The following HS6ST3 variants were observed in gnomAD, a reference collection of about 807,000 sequenced individuals.
HS6ST3 encodes the protein heparan sulfate 6-O-sulfotransferase 3.
Under a neutral mutation model 36.7 loss-of-function variants are expected in HS6ST3, and 12 were observed. The ratio of observed to expected loss-of-function variants is 0.33; its 90% CI spans 0.21 to 0.53. The LOEUF (loss-of-function observed/expected upper bound fraction) is 0.53. Ranked by LOEUF, HS6ST3 falls within the 20% of genes least tolerant of loss-of-function variation. The pLI is 0.95. For missense variants in HS6ST3, 584 were observed against 640.9 expected, an observed-to-expected ratio of 0.91 and a Z score of 0.96; for synonymous variants, 240 against 257.5, an observed-to-expected ratio of 0.93 and a Z score of 0.65.
At chr13:96,164,489 T>C (rs920634956) in intron 1 of HS6ST3, among the ~76,000 whole-genome samples, 4 of 151,748 alleles carry the variant, frequency 2.6e-5, no homozygotes, top group African/African-American at 4.8e-5. Context: ...CCCAGGAGTT[T>C]GAGGCTGCAG....
chr13:96,505,467 C>A (rs1448860144), intron 1 of HS6ST3, among the ~76,000 whole-genome samples: 1 of 152,052 alleles, frequency 6.6e-6, no homozygotes, highest in African/African-American at 2.4e-5. Context: ...CTAGTTTGTG[C>A]CTGGGTTTGT....
chr13:96,223,977 C>T (rs1279768920), intron 1 of HS6ST3, among the ~76,000 whole-genome samples: 1 of 151,882 alleles, frequency 6.6e-6, no homozygotes, highest in Non-Finnish European at 1.5e-5. Context: ...TCCCTTCCCT[C>T]TTCTTCCTTT....
intron 1 of HS6ST3, among the ~76,000 whole-genome samples, chr13:96,631,111 A>G (rs1195412594): frequency 6.6e-6 from 1 of 152,164 alleles, no homozygotes; most frequent in African/African-American, 2.4e-5. Context: ...AAAGATCTTC[A>G]GAACTAAACA....
chr13:96,297,815 G>A (rs749562382), intron 1 of HS6ST3, among the ~76,000 whole-genome samples: 19 of 151,970 alleles, frequency 1.3e-4, no homozygotes, highest in African/African-American at 3.1e-4. Context: ...TCATAAGCTC[G>A]CATACTCATA....
At chr13:96,641,609 A>G (rs954502988) in intron 1 of HS6ST3, among the ~76,000 whole-genome samples, 4 of 151,848 alleles carry the variant, frequency 2.6e-5, no homozygotes, top group African/African-American at 9.7e-5. Flanking sequence ...CTCTAGTGAT[A>G]AATAGATATT....
chr13:96,695,066 A>T (rs1875086837), intron 1 of HS6ST3, among the ~76,000 whole-genome samples: 1 of 152,184 alleles, frequency 6.6e-6, no homozygotes, highest in African/African-American at 2.4e-5. Context: ...TTCATGTAGG[A>T]ATACTTTTGT....
At chr13:96,196,752 G>C (rs2054316324) in intron 1 of HS6ST3, among the ~76,000 whole-genome samples, 1 of 152,222 alleles carries the variant, frequency 6.6e-6, no homozygotes, top group Non-Finnish European at 1.5e-5. Flanking sequence ...TTTCTGAAGA[G>C]ACTCACCAGT....
At chr13:96,383,148 G>A (rs959123014) in intron 1 of HS6ST3, among the ~76,000 whole-genome samples, 1 of 152,106 alleles carries the variant, frequency 6.6e-6, no homozygotes, top group Admixed American at 6.6e-5. Flanking sequence ...AGGTGAGATG[G>A]ATGAGGTAAA....
intron 1 of HS6ST3, among the ~76,000 whole-genome samples, chr13:96,331,992 T>C (rs1488442822): frequency 6.6e-6 from 1 of 152,250 alleles, no homozygotes; most frequent in East Asian, 1.9e-4. Flanking sequence ...GGGAACTCCC[T>C]GACCCCTTGC....
intron 1 of HS6ST3, among the ~76,000 whole-genome samples, chr13:96,233,056 A>G (rs2054516051): frequency 6.6e-6 from 1 of 152,234 alleles, no homozygotes; most frequent in Non-Finnish European, 1.5e-5. Flanking sequence ...GTGCAGAAGA[A>G]TCTATTGCAT....
intron 1 of HS6ST3, among the ~76,000 whole-genome samples, chr13:96,106,231 T>G (rs901387652): frequency 4.6e-5 from 7 of 152,252 alleles, no homozygotes; most frequent in African/African-American, 1.7e-4. Context: ...TGCCCTGTAT[T>G]GGCTTTAATG....
intron 1 of HS6ST3, among the ~76,000 whole-genome samples, chr13:96,726,319 G>A (rs375492990): frequency 6.6e-6 from 1 of 152,124 alleles, no homozygotes; most frequent in Non-Finnish European, 1.5e-5. Context: ...AATTTGTGGA[G>A]AATTGAAATT....
chr13:96,562,675 C>T (rs2056266589), intron 1 of HS6ST3, among the ~76,000 whole-genome samples: 1 of 151,968 alleles, frequency 6.6e-6, no homozygotes, highest in Non-Finnish European at 1.5e-5. Flanking sequence ...TTTTTTTCAG[C>T]ATCATAACAT....
At chr13:96,251,514 T>C (rs2054607867) in intron 1 of HS6ST3, among the ~76,000 whole-genome samples, 1 of 152,142 alleles carries the variant, frequency 6.6e-6, no homozygotes, top group African/African-American at 2.4e-5. Context: ...TGATTTTGTT[T>C]ATCTTTTAAA....
At chr13:96,135,716 A>G (rs1408381326) in intron 1 of HS6ST3, among the ~76,000 whole-genome samples, 1 of 152,194 alleles carries the variant, frequency 6.6e-6, no homozygotes, top group Non-Finnish European at 1.5e-5. Flanking sequence ...TGTTGTGCCT[A>G]TTAACTTCAG....
chr13:96,275,291 G>A lies in HS6ST3; in HGVS notation c.707+183722G>A, dbSNP rs568477781. 5.3e-5 allele frequency among the ~76,000 whole-genome samples: 8 copies of A among 152,192 alleles called. No homozygotes were observed. The East Asian group carries it at 9.7e-4, about 18-fold the overall frequency. ...GAATTATTTACTTAGCACATGGAAG[G>A]CAACAGATATTTGTTATTATAAAAT... On this transcript the variant is annotated intron_variant, in intron 1 of 1. Coordinates refer to ENST00000376705, the MANE Select transcript of HS6ST3 (RefSeq NM_153456.4).
intron 1 of HS6ST3, among the ~76,000 whole-genome samples, chr13:96,493,014 G>C (rs2055954372): frequency 6.6e-6 from 1 of 152,176 alleles, no homozygotes; most frequent in South Asian, 2.1e-4. Context: ...TTTTGAGCGA[G>C]GACAACTTTA....
chr13:96,431,651 A>T (rs985386210), intron 1 of HS6ST3, among the ~76,000 whole-genome samples: 8 of 152,168 alleles, frequency 5.3e-5, no homozygotes, highest in African/African-American at 1.9e-4. Flanking sequence ...AAGATCTTCC[A>T]CCTTCTTTAT....
At chr13:96,092,021 G>C (rs1282650749) in intron 1 of HS6ST3, among the ~76,000 whole-genome samples, 1 of 152,196 alleles carries the variant, frequency 6.6e-6, no homozygotes, top group Non-Finnish European at 1.5e-5. Context: ...TTCCAGGCGT[G>C]GTGAAGCTGG....
Sources: gnomAD v4.1 joint callset for allele counts (sites outside exome capture counted in the v4.1 genomes callset) on GRCh38, gnomAD v4.1.1 for gene constraint, MANE v1.5 for transcripts, NCBI Gene and HGNC (gene_info 2026-07-23, HGNC 2026-07-21) for gene names.